LDB2: variants seen among roughly 807,000 people sequenced by gnomAD.
LDB2 encodes the protein LIM domain binding 2, also known as LIM domain-binding protein 2.
In LDB2, 12 loss-of-function variants were observed where a neutral mutation model predicts 44.3. The ratio of observed to expected loss-of-function variants is 0.27; its 90% confidence interval spans 0.17 to 0.44. The LOEUF is 0.44. LDB2 is among the 20% of genes least tolerant of loss of function. LDB2 has a pLI of 1.00. For synonymous variants in LDB2, 164 were observed against 174.8 expected (o/e 0.94, Z 0.49); for missense variants, 344 against 473.5 (o/e 0.73, Z 2.54).
chr4:16,588,875 G>A (rs780153433), intron 3 of LDB2, 43 bp from the exon 4 acceptor site: 13 of 1,604,822 alleles, frequency 8.1e-6, no homozygotes, highest in Non-Finnish European at 1.1e-5. Context: ...CGCACTTTGT[G>A]AAAGCCACAT....
intron 1 of LDB2, among the ~76,000 whole-genome samples, chr4:16,790,510 A>G (rs1775478742): frequency 1.3e-5 from 2 of 152,228 alleles, no homozygotes; most frequent in Non-Finnish European, 2.9e-5. Context: ...TCCATAGGAA[A>G]AAAATATATA....
chr4:16,854,216 A>G (rs1478299500), intron 1 of LDB2, among the ~76,000 whole-genome samples: 3 of 152,128 alleles, frequency 2.0e-5, no homozygotes, highest in East Asian at 1.9e-4. Flanking sequence ...TTACTATAGT[A>G]GCCTTTATAC....
At chr4:16,774,888 C>T (rs1274844302) in intron 1 of LDB2, among the ~76,000 whole-genome samples, 2 of 152,176 alleles carry the variant, frequency 1.3e-5, no homozygotes, top group South Asian at 2.1e-4. Flanking sequence ...TGGAAACACT[C>T]CAAATGTCTA....
At chr4:16,773,141 T>G (rs1176306861) in intron 1 of LDB2, among the ~76,000 whole-genome samples, 3 of 152,172 alleles carry the variant, frequency 2.0e-5, no homozygotes, top group African/African-American at 7.2e-5. Context: ...AGCCAAAACC[T>G]ACCAGAAGAA....
intron 5 of LDB2, among the ~76,000 whole-genome samples, chr4:16,529,168 C>G (rs17488750): frequency 2.6e-5 from 4 of 152,134 alleles, no homozygotes; most frequent in South Asian, 2.1e-4. Flanking sequence ...GAATGAGTAA[C>G]GGGCCCAAGG....
intron 5 of LDB2, among the ~76,000 whole-genome samples, chr4:16,551,090 T>G (rs1421966035): frequency 6.6e-6 from 1 of 152,214 alleles, no homozygotes; most frequent in Non-Finnish European, 1.5e-5. Flanking sequence ...AATGTATACA[T>G]GCATAATTAT....
chr4:16,736,808 G>C (rs1406341650), intron 2 of LDB2, among the ~76,000 whole-genome samples: 1 of 152,008 alleles, frequency 6.6e-6, no homozygotes, highest in African/African-American at 2.4e-5. Context: ...TATCAACAGG[G>C]ACCTCTTCAT....
At chr4:16,760,772 G>C (rs1767733094) in intron 1 of LDB2, among the ~76,000 whole-genome samples, 1 of 152,160 alleles carries the variant, frequency 6.6e-6, no homozygotes, top group Non-Finnish European at 1.5e-5. Flanking sequence ...CTGGAAGCTT[G>C]TGGAGCTTTT....
chr4:16,739,732 G>GTATATATATATACATATATGTA lies in LDB2; in HGVS notation c.235+19425_235+19426insTACATATATGTATATATATATA, dbSNP rs1762836790. On this transcript the variant is annotated intron_variant, in intron 2 of 7. Coordinates refer to ENST00000304523, the MANE Select transcript of LDB2 (RefSeq NM_001290.5). ...TATATATGTATATATACATATATGTGTATATACATACATATACATATATAT... is the reference window on the plus strand; with the variant it reads ...TATATATGTATATATACATATATGTGTATATATATATACATATATGTATATATACATACATATACATATATAT... Among the ~76,000 whole-genome samples the GTATATATATATACATATATGTA allele has an allele frequency of 6.2e-4, 26 of 42,064 alleles. 1 individual carries two copies. The highest frequency in any genetic ancestry group is 2.4e-3 in the African/African-American group (26 of 10,994). 27.6% of individuals were successfully genotyped at this position (42,064 alleles called of 152,430 possible). A position where few individuals can be genotyped will look rare whatever the true frequency, so the allele number is the denominator to read the frequency against.
intron 2 of LDB2, among the ~76,000 whole-genome samples, chr4:16,747,243 G>A (rs945749648): frequency 6.6e-5 from 10 of 152,044 alleles, no homozygotes; most frequent in African/African-American, 2.4e-4. Flanking sequence ...CTGTGAACCT[G>A]AATAATAACT....
At chr4:16,771,504 G>T (rs865985391) in intron 1 of LDB2, among the ~76,000 whole-genome samples, 7 of 152,190 alleles carry the variant, frequency 4.6e-5, no homozygotes, top group South Asian at 2.1e-4. Context: ...AACCAAAGAG[G>T]CATCTCAGGC....
intron 2 of LDB2, among the ~76,000 whole-genome samples, chr4:16,623,557 A>G (rs895372159): frequency 6.6e-6 from 1 of 152,170 alleles, no homozygotes; most frequent in Admixed American, 6.5e-5. Context: ...AGATCATGCC[A>G]CTGCACTGTA....
At chr4:16,721,138 G>C (rs536730927) in intron 2 of LDB2, among the ~76,000 whole-genome samples, 2 of 152,260 alleles carry the variant, frequency 1.3e-5, no homozygotes, top group African/African-American at 4.8e-5. Flanking sequence ...GTCCTTAAAT[G>C]ACTGAGTAAG....
intron 5 of LDB2, among the ~76,000 whole-genome samples, chr4:16,579,880 G>T (rs1398066532): frequency 6.6e-6 from 1 of 152,162 alleles, no homozygotes; most frequent in Non-Finnish European, 1.5e-5. Context: ...TCTAGTTCAG[G>T]AGACAAACGA....
chr4:16,873,867 T>C (rs1031692623), intron 1 of LDB2, among the ~76,000 whole-genome samples: 10 of 152,224 alleles, frequency 6.6e-5, no homozygotes, highest in Admixed American at 2.0e-4. Flanking sequence ...TGGTCTCTCA[T>C]GTCAATTGCA....
intron 5 of LDB2, among the ~76,000 whole-genome samples, chr4:16,568,317 T>C (rs537125262): frequency 6.6e-6 from 1 of 152,296 alleles, no homozygotes; most frequent in South Asian, 2.1e-4. Flanking sequence ...GTTTCAGATA[T>C]CGAGTAGCTT....
At position 16,582,152 on chromosome 4, in the gene LDB2, A is replaced by G. The variant is rs915999334; in HGVS notation, c.615+3770T>C. Among the ~76,000 whole-genome samples the G allele has an allele frequency of 2.6e-5, 4 of 152,166 alleles. No homozygotes were observed. The highest frequency in any genetic ancestry group is 5.9e-5 in the Non-Finnish European group (4 of 68,018). On this transcript the variant is annotated intron_variant, in intron 5 of 7. Transcript: ENST00000304523. The surrounding 1 kb of genome is among the most constrained non-coding windows in gnomAD (Gnocchi z 4.8). Reference sequence around the variant, plus strand: ...TGCTATGTTTCTCACTGCACCTGGGAGCAATTTCTCTCCAAGAGTGTATTT... The same window carrying G: ...TGCTATGTTTCTCACTGCACCTGGGGGCAATTTCTCTCCAAGAGTGTATTT...
rs540820649 is a variant in LDB2, at chr4:16,862,982, G to A, written c.132+35372C>T. Among the ~76,000 whole-genome samples the A allele has an allele frequency of 1.2e-4, 19 of 152,218 alleles. No homozygotes were observed. The South Asian group carries it at 2.5e-3, about 20-fold the overall frequency. ...GAGTCAGAGTCAGCTGAGTAAGGGC[G>A]CCATCCATCACCAGTGCTTCCTGGG... On this transcript the variant is annotated intron_variant, in intron 1 of 7. Coordinates refer to ENST00000304523, the MANE Select transcript of LDB2 (RefSeq NM_001290.5).
chr4:16,751,263 A>T (rs1243698102), intron 2 of LDB2, among the ~76,000 whole-genome samples: 1 of 152,342 alleles, frequency 6.6e-6, no homozygotes, highest in East Asian at 1.9e-4. Flanking sequence ...GACTTATAAC[A>T]TATTAGGGGA....
Sources: gnomAD v4.1 joint callset for allele counts (sites outside exome capture counted in the v4.1 genomes callset) on GRCh38, gnomAD v4.1.1 for gene constraint, Gnocchi (gnomAD v3.1) non-coding constraint, MANE v1.5 for transcripts, NCBI Gene and HGNC (gene_info 2026-07-23, HGNC 2026-07-21) for gene names.